Variants in DLC1 observed in about 807,000 individuals in gnomAD.
DLC1 encodes the protein DLC1 Rho GTPase activating protein, also known as rho GTPase-activating protein 7.
Under a neutral mutation model 140.3 loss-of-function variants are expected in DLC1, and 54 were observed. The ratio of observed to expected loss-of-function variants is 0.38; its 90% confidence interval spans 0.31 to 0.48. The LOEUF (loss-of-function observed/expected upper bound fraction) is 0.48. DLC1 is among the 20% of genes least tolerant of loss of function. DLC1 has a pLI of 0.96. For missense variants in DLC1, 2,536 were observed against 1,907.0 expected (o/e 1.33, Z -6.14); for synonymous variants, 986 against 728.1 (o/e 1.35, Z -5.70).
intron 5 of DLC1, among the ~76,000 whole-genome samples, chr8:13,128,351 A>G (rs1821763077): frequency 6.6e-6 from 1 of 152,202 alleles, no homozygotes. Flanking sequence ...TTAAAGACAG[A>G]GCCCCAAGTC....
At chr8:13,253,968 C>A (rs554253695) in intron 5 of DLC1, among the ~76,000 whole-genome samples, 3 of 152,120 alleles carry the variant, frequency 2.0e-5, no homozygotes, top group Admixed American at 1.3e-4. Flanking sequence ...AACCATCTAA[C>A]GTTTGGGTGA....
intron 4 of DLC1, among the ~76,000 whole-genome samples, chr8:13,356,863 A>G (rs1169121123): frequency 2.0e-5 from 3 of 150,762 alleles, no homozygotes; most frequent in South Asian, 2.1e-4. Context: ...ATTTTTTATT[A>G]TTTATTTATT....
At chr8:13,237,339 TATAC>T (rs1183611651) in intron 5 of DLC1, among the ~76,000 whole-genome samples, 24 of 150,070 alleles carry the variant, frequency 1.6e-4, no homozygotes, top group Middle Eastern at 3.5e-3. Context: ...TATATATATA[TATAC>T]ACACACACAC....
At chr8:13,329,862 GAT>G (rs1352871296) in intron 4 of DLC1, among the ~76,000 whole-genome samples, 4 of 149,056 alleles carry the variant, frequency 2.7e-5, no homozygotes, top group Non-Finnish European at 6.0e-5. Flanking sequence ...GTTATTGATT[GAT>G]ATATACACAA....
At chr8:13,291,871 C>G (rs1250087778) in intron 5 of DLC1, among the ~76,000 whole-genome samples, 1 of 152,116 alleles carries the variant, frequency 6.6e-6, no homozygotes, top group African/African-American at 2.4e-5. Flanking sequence ...GGCTGAAAAG[C>G]TACCATAGAC....
intron 13 of DLC1, among the ~76,000 whole-genome samples, chr8:13,091,775 T>G (rs545077043): frequency 1.3e-5 from 2 of 151,878 alleles, no homozygotes; most frequent in South Asian, 2.1e-4. Flanking sequence ...TCCCAGGGAG[T>G]TGGAGTAAAG....
intron 5 of DLC1, among the ~76,000 whole-genome samples, chr8:13,293,667 C>A (rs1320131129): frequency 4.6e-5 from 7 of 152,128 alleles, no homozygotes; most frequent in Non-Finnish European, 1.0e-4. Flanking sequence ...AATTCAAGAA[C>A]AGAAATACAT....
chr8:13,131,703 A>G (rs1585722744), intron 5 of DLC1, among the ~76,000 whole-genome samples: 1 of 152,322 alleles, frequency 6.6e-6, no homozygotes, highest in African/African-American at 2.4e-5. Context: ...GCATGAGCTC[A>G]TTTGATCCTC....
chr8:13,092,413 C>G (rs1818149258), intron 13 of DLC1, among the ~76,000 whole-genome samples, 199 bp downstream of exon 13: 1 of 152,128 alleles, frequency 6.6e-6, no homozygotes, highest in Non-Finnish European at 1.5e-5. Flanking sequence ...GGGGTTAAGT[C>G]CAGTGAGACT....
At chr8:13,125,068 C>G (rs1475961870) in intron 5 of DLC1, among the ~76,000 whole-genome samples, 1 of 152,116 alleles carries the variant, frequency 6.6e-6, no homozygotes, top group Non-Finnish European at 1.5e-5. Flanking sequence ...CCTCTGCCTC[C>G]TGGGTTCAAG....
chr8:13,395,356 C>T (rs182357023), intron 3 of DLC1, among the ~76,000 whole-genome samples: 79 of 152,222 alleles, frequency 5.2e-4, no homozygotes, highest in Admixed American at 1.4e-3. Context: ...CTCCTCACCT[C>T]GTGATCCACC....
rs1563301015 is a variant in DLC1, at chr8:13,382,526, A to AG, written c.1314+11026_1314+11027insC. 2.8e-4 allele frequency among the ~76,000 whole-genome samples: 38 copies of AG among 135,618 alleles called. 5 individuals are homozygous for AG. The highest frequency in any genetic ancestry group is 1.8e-3 in the East Asian group (8 of 4,372). The allele number at this position is 135,618 out of a possible 152,430, so 89.0% of individuals were successfully genotyped here. A position where few individuals can be genotyped will look rare whatever the true frequency, so the allele number is the denominator to read the frequency against. On this transcript the variant is annotated intron_variant, in intron 4 of 17. Transcript: ENST00000276297. The stretch of plus-strand genomic sequence containing the variant: ...GTCTCAAAAAAAAAAAAAAAAAAAA[A>AG]AAAAAAGAAAGAGGAGACAGATAAG...
At chr8:13,177,516 C>T (rs1253781822) in intron 5 of DLC1, among the ~76,000 whole-genome samples, 2 of 152,126 alleles carry the variant, frequency 1.3e-5, no homozygotes, top group Non-Finnish European at 2.9e-5. Context: ...TCTTACTTCC[C>T]TCACATTCCT....
At chr8:13,468,246 T>C (rs1432330036) in intron 2 of DLC1, among the ~76,000 whole-genome samples, 1 of 152,134 alleles carries the variant, frequency 6.6e-6, no homozygotes, top group African/African-American at 2.4e-5. Context: ...AACTTAAACA[T>C]TTACATCGTA....
chr8:13,092,495 G>A, intron 13 of DLC1, 117 bp downstream of exon 13: 1 of 1,097,356 alleles, frequency 9.1e-7, no homozygotes, highest in Non-Finnish European at 1.3e-6. Flanking sequence ...GACTAATATA[G>A]CGGTCTAACC....
At chr8:13,544,457 C>T (rs1446310096) in intron 1 of DLC1, among the ~76,000 whole-genome samples, 3 of 152,062 alleles carry the variant, frequency 2.0e-5, no homozygotes, top group African/African-American at 7.2e-5. Context: ...AAACACAGTA[C>T]TTTGGTCTGA....
At chr8:13,207,641 T>A (rs1386445249) in intron 5 of DLC1, among the ~76,000 whole-genome samples, 2 of 152,162 alleles carry the variant, frequency 1.3e-5, no homozygotes, top group African/African-American at 4.8e-5. Flanking sequence ...TAGTGCAGTG[T>A]TACATGAACG....
chr8:13,086,154 A>G lies in DLC1; in HGVS notation c.4466+136T>C, dbSNP rs537665943. The G allele has an allele frequency of 4.4e-6, 6 of 1,352,616 alleles. No individual in the cohort carries two copies. In the East Asian group the frequency reaches 1.5e-4, roughly 33 times the overall value. The allele number at this position is 1,352,616 out of a possible 1,614,324, so 83.8% of individuals were successfully genotyped here. A position where few individuals can be genotyped will look rare whatever the true frequency, so the allele number is the denominator to read the frequency against. On this transcript the variant is annotated intron_variant, in intron 17 of 17. Transcript: ENST00000276297. ...GAAAGACCAACAAACATGAAATGCT[A>G]CTTTCTAAACACCATTCTTCATGAA...
At chr8:13,194,588 G>T (rs1197336253) in intron 5 of DLC1, among the ~76,000 whole-genome samples, 1 of 152,164 alleles carries the variant, frequency 6.6e-6, no homozygotes, top group Non-Finnish European at 1.5e-5. Context: ...ACGGGCAGAG[G>T]CCAGCATTAC....
Sources: gnomAD v4.1 joint callset for allele counts (sites outside exome capture counted in the v4.1 genomes callset) on GRCh38, gnomAD v4.1.1 for gene constraint, MANE v1.5 for transcripts, NCBI Gene and HGNC (gene_info 2026-07-23, HGNC 2026-07-21) for gene names.